Variants in AARS1 observed in about 807,000 individuals in gnomAD.
AARS1 encodes the protein alanyl-tRNA synthetase 1, also known as alanine--tRNA ligase, cytoplasmic.
In AARS1, 72 loss-of-function variants were observed where a neutral mutation model predicts 108.9. That is an observed-to-expected ratio of 0.66 (90% CI 0.55 to 0.80). The LOEUF (loss-of-function observed/expected upper bound fraction) is 0.80, where lower values mean the gene tolerates loss of function less well. Among genes scored for constraint, AARS1 ranks in the 30% least tolerant of loss-of-function variants. The pLI, the probability that AARS1 is intolerant of heterozygous loss-of-function variation, is 0.00. For synonymous variants in AARS1, 489 were observed against 465.7 expected, an observed-to-expected ratio of 1.05 and a Z score of -0.64; for missense variants, 1,193 against 1,233.2, an observed-to-expected ratio of 0.97 and a Z score of 0.49.
chr16:70,259,263 T>G, intron 13 of AARS1, 77 bp from the exon 14 acceptor site: 1 of 1,450,140 alleles, frequency 6.9e-7, no homozygotes, highest in Non-Finnish European at 9.7e-7. Flanking sequence ...CTCCCCCGAG[T>G]GCTACAATTT....
In AARS1 at chr16:70,253,025, G is replaced by A. The variant is rs528952135; in HGVS notation, c.2722-119C>T. The A allele has an allele frequency of 1.8e-4, 213 of 1,189,846 alleles. No homozygotes were observed. In the African/African-American group the frequency reaches 2.9e-3, roughly 16 times the overall value. 73.7% of individuals were successfully genotyped at this position (1,189,846 alleles called of 1,614,324 possible). ...CCTTGCCCTGGGTGATACTGCTGGA[G>A]GCCGAGACAGACTTTACGGCTGGTA... On this transcript the variant is annotated intron_variant, in intron 20 of 20. Transcript: ENST00000261772.
At chr16:70,275,905 CCA>C (rs1447127970) in intron 4 of AARS1, among the ~76,000 whole-genome samples, 2 of 126,094 alleles carry the variant, frequency 1.6e-5, no homozygotes, top group Non-Finnish European at 3.1e-5. Flanking sequence ...CCACTGCACT[CCA>C]GTCTGGGAGA....
In AARS1 at chr16:70,267,750, T is replaced by C. The variant is rs1297613031; in HGVS notation, c.1131A>G (p.Glu377=). Residue 377 remains glutamate (E), a synonymous_variant, in exon 9 of 21, where the codon GAA becomes GAG. Coordinates refer to ENST00000261772, the MANE Select transcript of AARS1 (RefSeq NM_001605.3). ...GAGTCTTGAGAAACTGCACCTCTTC[T>C]TCATTAATGATGTCCTTCACCATGT... ...DPDMVKDIIN[E]EEVQFLKTLS... is the part of the protein sequence containing the mutation. 6.2e-7 allele frequency: 1 copy of C among 1,614,186 alleles called. No individual in the cohort carries two copies. Among genetic ancestry groups the C allele is most frequent in the Non-Finnish European group, 8.5e-7 (1 of 1,180,036 alleles).
chr16:70,263,674 G>C (rs1960198714), intron 11 of AARS1, among the ~76,000 whole-genome samples: 1 of 151,852 alleles, frequency 6.6e-6, no homozygotes, highest in Admixed American at 6.6e-5. Context: ...TCACTCTGTA[G>C]CCCAGGCTGG....
Position 70,258,032 on chromosome 16 carries a change from C to T in AARS1, c.2177+1G>A, listed in dbSNP as rs766251338. The T allele has an allele frequency of 4.3e-6, 7 of 1,614,140 alleles. No homozygotes were observed. Among genetic ancestry groups the T allele is most frequent in the Non-Finnish European group, 5.9e-6 (7 of 1,180,012 alleles). On this transcript the variant is annotated splice_donor_variant, in intron 15 of 20. Transcript: ENST00000261772. LOFTEE classifies it high-confidence loss of function. ...CTACTCTGCCCCTCTGCAGTACTCA[C>T]GTTCCCCCACAGAACTCAACAGAAG...
At chr16:70,272,779 G>T (rs1015001072) in intron 4 of AARS1, among the ~76,000 whole-genome samples, 2 of 132,204 alleles carry the variant, frequency 1.5e-5, no homozygotes, top group African/African-American at 8.6e-5. Flanking sequence ...AAAATTAGCT[G>T]GGGGGGTGAT....
intron 4 of AARS1, 59 bp downstream of exon 4, chr16:70,276,427 T>G: frequency 6.3e-7 from 1 of 1,592,076 alleles, no homozygotes; most frequent in East Asian, 2.2e-5. Context: ...AAAACCCCAC[T>G]CTGGCACTGA....
chr16:70,259,240 T>G, intron 13 of AARS1, 54 bp from the exon 14 acceptor site: 1 of 1,537,570 alleles, frequency 6.5e-7, no homozygotes, highest in Non-Finnish European at 9.0e-7. Context: ...GCTAGTTATC[T>G]CCTCGTTATC....
In AARS1 at chr16:70,252,899, G is replaced by A. The variant is rs1160807463; in HGVS notation, c.2729C>T (p.Ala910Val). The change falls in exon 21 of 21, where the codon GCC (alanine) becomes GTC (valine). Residue 910 changes from alanine (A) to valine (V), a missense_variant. Ala to Val is a moderately conservative substitution (Grantham distance 64, BLOSUM62 0). Transcript: ENST00000261772. Reference protein sequence around the residue: ...TCLCQVPQNAANRGLKASEWV... With the variant: ...TCLCQVPQNAVNRGLKASEWV... ...CTCGCTGGCTTTTAAGCCCCGATTG[G>A]CTGCATTCTAGAAGACAGGAAGGGA... 6.2e-7 allele frequency: 1 copy of A among 1,614,200 alleles called. No individual in the cohort carries two copies. The highest frequency in any genetic ancestry group is 8.5e-7 in the Non-Finnish European group (1 of 1,180,032).
intron 5 of AARS1, 60 bp from the exon 6 acceptor site, chr16:70,270,400 C>G: frequency 6.3e-7 from 1 of 1,599,460 alleles, no homozygotes; most frequent in Non-Finnish European, 8.6e-7. Context: ...CCTCTCCAGT[C>G]CCTGCTGGTT....
At chr16:70,265,791 CCCATCAG>C in intron 9 of AARS1, 129 bp from the exon 10 acceptor site, 1 of 916,228 alleles carries the variant, frequency 1.1e-6, no homozygotes, top group Non-Finnish European at 1.6e-6. Flanking sequence ...GCCCTGTGTG[CCCATCAG>C]AAAATCCAGC....
At chr16:70,261,178 G>T in intron 12 of AARS1, 21 bp from the exon 13 acceptor site, 2 of 1,549,788 alleles carry the variant, frequency 1.3e-6, no homozygotes, top group Non-Finnish European at 1.8e-6. Flanking sequence ...TCAAGGAAGA[G>T]ACCAATAAAT....
intron 1 of AARS1, among the ~76,000 whole-genome samples, chr16:70,288,588 A>G (rs993601065): frequency 1.5e-5 from 2 of 131,642 alleles, no homozygotes; most frequent in Non-Finnish European, 3.3e-5. Context: ...TTTTTTTGAA[A>G]CGGAGTCTCC....
At chr16:70,284,892 G>T (rs11862053) in intron 1 of AARS1, among the ~76,000 whole-genome samples, 10,697 of 152,222 alleles carry the variant, frequency 0.07, 1,261 homozygotes, top group African/African-American at 0.24. Context: ...CTGAGGTGTT[G>T]TGAGGATCAA....
At chr16:70,262,260 A>C (rs932196024) in intron 12 of AARS1, 86 bp downstream of exon 12, 1 of 1,532,118 alleles carries the variant, frequency 6.5e-7, no homozygotes, top group South Asian at 1.1e-5. Context: ...GTCTGCTCCC[A>C]AGGCCTGGAG....
chr16:70,270,432 T>C lies in AARS1; in HGVS notation c.672-92A>G, dbSNP rs1960371092. The C allele has an allele frequency of 5.2e-6, 8 of 1,533,094 alleles. No homozygotes were observed. The Admixed American group carries it at 6.8e-5, about 13-fold the overall frequency. The allele number at this position is 1,533,094 out of a possible 1,614,324, so 95.0% of individuals were successfully genotyped here. A position where few individuals can be genotyped will look rare whatever the true frequency, so the allele number is the denominator to read the frequency against. On this transcript the variant is annotated intron_variant, in intron 5 of 20. Coordinates refer to ENST00000261772, the MANE Select transcript of AARS1 (RefSeq NM_001605.3). ...GGTTAAAATTCATTTACAGAACAGT[T>C]TGCAGGCTGTGACCATCTGCCATTT...
In AARS1 at chr16:70,289,487, T is replaced by G. The variant is rs1960984513; in HGVS notation, c.-88A>C. ...CCCGCCAAGGGCCCGCTGCACCTAT[T>G]CCCGCAGACGCGCAGCTGTACCGGC... On this transcript the variant is annotated 5_prime_UTR_variant, in exon 1 of 21. Transcript: ENST00000261772. 2 of 442,302 alleles carry G rather than the reference T, an allele frequency of 4.5e-6. No individual in the cohort carries two copies. Among genetic ancestry groups the G allele is most frequent in the Non-Finnish European group, 9.1e-6 (2 of 219,234 alleles). The allele number at this position is 442,302 out of a possible 1,614,324, so 27.4% of individuals were successfully genotyped here. A position where few individuals can be genotyped will look rare whatever the true frequency, so the allele number is the denominator to read the frequency against.
chr16:70,278,739 ACT>A (rs1289537108), intron 2 of AARS1, among the ~76,000 whole-genome samples: 4 of 150,754 alleles, frequency 2.7e-5, no homozygotes, highest in Admixed American at 2.0e-4. Flanking sequence ...AAAAGCAAAC[ACT>A]CTCTCACTCA....
intron 14 of AARS1, 110 bp downstream of exon 14, chr16:70,258,870 T>C (rs780103287): frequency 3.9e-5 from 52 of 1,319,568 alleles, no homozygotes; most frequent in Admixed American, 1.1e-4. Flanking sequence ...TAAGCAAATC[T>C]ACGTGCAGGA....
Sources: gnomAD v4.1 joint callset for allele counts (sites outside exome capture counted in the v4.1 genomes callset) on GRCh38, gnomAD v4.1.1 for gene constraint, MANE v1.5 for transcripts, NCBI Gene and HGNC (gene_info 2026-07-23, HGNC 2026-07-21) for gene names.